Variants in MAEL observed in about 807,000 individuals in gnomAD.
MAEL encodes the protein maelstrom spermatogenic transposon silencer.
In MAEL, 46 loss-of-function variants were observed where a neutral mutation model predicts 62.0. The observed-to-expected ratio is 0.74, with a 90% CI of 0.59 to 0.95. The LOEUF (loss-of-function observed/expected upper bound fraction) is 0.95. Among genes scored for constraint, MAEL ranks in the 40% least tolerant of loss-of-function variants. The pLI, the probability that MAEL is intolerant of heterozygous loss-of-function variation, is 0.00. For missense variants in MAEL, 497 were observed against 526.8 expected, an observed-to-expected ratio of 0.94 and a Z score of 0.55; for synonymous variants, 172 against 175.5, an observed-to-expected ratio of 0.98 and a Z score of 0.16.
At chr1:166,979,953 A>C (rs901773634) in intron 1 of MAEL, among the ~76,000 whole-genome samples, 1 of 152,210 alleles carries the variant, frequency 6.6e-6, no homozygotes, top group Admixed American at 6.5e-5. Flanking sequence ...AAAGGAAATA[A>C]ATGAGTAACA....
intron 3 of MAEL, 150 bp downstream of exon 3, chr1:166,991,627 G>A: frequency 1.9e-6 from 1 of 522,588 alleles, no homozygotes; most frequent in East Asian, 3.0e-5. Context: ...CATTATAAAA[G>A]ATTAGGTAAT....
intron 8 of MAEL, among the ~76,000 whole-genome samples, chr1:167,009,761 T>G (rs1276459992): frequency 1.3e-5 from 2 of 152,102 alleles, no homozygotes; most frequent in Non-Finnish European, 2.9e-5. Flanking sequence ...TCTGCTTTCT[T>G]CAGTTTCTCT....
chr1:166,983,678 G>C (rs1428409757), intron 1 of MAEL, among the ~76,000 whole-genome samples: 5 of 152,040 alleles, frequency 3.3e-5, no homozygotes, highest in Non-Finnish European at 7.4e-5. Context: ...TGTTTATGTA[G>C]GACTTAAGTA....
In MAEL at chr1:167,004,168, T is replaced by A. The variant is rs372296826; in HGVS notation, c.524-12T>A. 3.8e-6 allele frequency: 6 copies of A among 1,598,932 alleles called. No homozygotes were observed. The African/African-American group carries it at 5.4e-5, about 14-fold the overall frequency. ...GCTCAAAGTTTGAACTTCTCCTTTTTATTTCCCTCAGGTGATTCTAGTCAC... is the reference window on the plus strand; with the variant it reads ...GCTCAAAGTTTGAACTTCTCCTTTTAATTTCCCTCAGGTGATTCTAGTCAC... On this transcript the variant is annotated splice_polypyrimidine_tract_variant and intron_variant, in intron 5 of 11. Transcript: ENST00000367872.
chr1:167,019,262 C>G (rs897731843), intron 10 of MAEL, among the ~76,000 whole-genome samples: 1 of 152,152 alleles, frequency 6.6e-6, no homozygotes, highest in African/African-American at 2.4e-5. Flanking sequence ...CATTTTCCAG[C>G]CTAAAATATC....
At chr1:166,978,630 A>C (rs1557966291) in intron 1 of MAEL, among the ~76,000 whole-genome samples, 1 of 152,206 alleles carries the variant, frequency 6.6e-6, no homozygotes, top group African/African-American at 2.4e-5. Context: ...TCTGCAGTTT[A>C]ACCACTTTCC....
At chr1:167,008,482 G>A (rs1054615000) in intron 8 of MAEL, among the ~76,000 whole-genome samples, 1 of 151,952 alleles carries the variant, frequency 6.6e-6, no homozygotes, top group Non-Finnish European at 1.5e-5. Flanking sequence ...TCTTGTCATT[G>A]TATATTTGTG....
In MAEL at chr1:167,004,169, A is replaced by G. The variant is rs1664790182; in HGVS notation, c.524-11A>G. The G allele has an allele frequency of 1.9e-6, 3 of 1,597,770 alleles. No individual in the cohort carries two copies. Among genetic ancestry groups the G allele is most frequent in the South Asian group, 1.1e-5 (1 of 87,378 alleles). On this transcript the variant is annotated splice_polypyrimidine_tract_variant and intron_variant, in intron 5 of 11. Transcript: ENST00000367872. ...CTCAAAGTTTGAACTTCTCCTTTTT[A>G]TTTCCCTCAGGTGATTCTAGTCACA...
At chr1:167,009,828 T>A (rs1665089900) in intron 8 of MAEL, among the ~76,000 whole-genome samples, 1 of 152,128 alleles carries the variant, frequency 6.6e-6, no homozygotes, top group Non-Finnish European at 1.5e-5. Flanking sequence ...TTAGTTCTTT[T>A]CTGTAATGTT....
At chr1:167,004,069 G>A in intron 5 of MAEL, 111 bp from the exon 6 acceptor site, 1 of 895,060 alleles carries the variant, frequency 1.1e-6, no homozygotes, top group Non-Finnish European at 1.7e-6. Context: ...CTTTGTACAA[G>A]TACTTAACTG....
At position 167,017,706 on chromosome 1, in the gene MAEL, AT is replaced by A. The variant is rs1665454108; in HGVS notation, c.909-115del. The A allele has an allele frequency of 7.4e-6, 6 of 814,634 alleles. No individual in the cohort carries two copies. In the East Asian group the frequency reaches 1.4e-4, roughly 19 times the overall value. 50.5% of individuals were successfully genotyped at this position (814,634 alleles called of 1,614,324 possible). On this transcript the variant is annotated intron_variant, in intron 9 of 11. Transcript: ENST00000367872. ...ATGTCTTCTCTGAATCTCCAAATTT[AT>A]TTTTTCCCAGTTTATAACAGTACCT...
intron 8 of MAEL, among the ~76,000 whole-genome samples, chr1:167,009,756 T>C (rs1439466324): frequency 1.3e-5 from 2 of 152,112 alleles, no homozygotes; most frequent in Non-Finnish European, 2.9e-5. Context: ...TAGTTTCTGC[T>C]TTCTTCAGTT....
chr1:166,977,482 A>G (rs1028949465), intron 1 of MAEL, among the ~76,000 whole-genome samples: 2 of 152,238 alleles, frequency 1.3e-5, no homozygotes, highest in African/African-American at 4.8e-5. Flanking sequence ...AGTAAGTGGC[A>G]GAGCTAGGAT....
intron 5 of MAEL, among the ~76,000 whole-genome samples, chr1:167,003,232 ACAC>A (rs1442258615): frequency 6.6e-6 from 1 of 152,132 alleles, no homozygotes; most frequent in Non-Finnish European, 1.5e-5. Context: ...CTGCAGGTAC[ACAC>A]CACCACACCT....
intron 8 of MAEL, among the ~76,000 whole-genome samples, chr1:167,011,277 A>G (rs1268283931): frequency 6.6e-6 from 1 of 152,096 alleles, no homozygotes; most frequent in Non-Finnish European, 1.5e-5. Context: ...TCATTTTTCT[A>G]TTTATAGACA....
Position 166,992,699 on chromosome 1 carries a change from C to A in MAEL, c.339C>A (p.Gly113=). The A allele has an allele frequency of 6.3e-7, 1 of 1,587,992 alleles. No homozygotes were observed. The highest frequency in any genetic ancestry group is 1.2e-5 in the South Asian group (1 of 85,926). Residue 113 remains glycine (G), a synonymous_variant, in exon 4 of 12, where the codon GGC becomes GGA. Transcript: ENST00000367872. ...ATTTTTTTTTAGCTCTCCTTGGAGG[C>A]ATTTTTTATTTTTTGAACATTTTTA... ...SLKGDQALLG[G]IFYFLNIFSH... is the part of the protein sequence containing the mutation.
At chr1:167,007,853 C>A (rs1664995402) in intron 8 of MAEL, among the ~76,000 whole-genome samples, 1 of 151,904 alleles carries the variant, frequency 6.6e-6, no homozygotes, top group African/African-American at 2.4e-5. Flanking sequence ...TTTATAATCG[C>A]TTTTAGTCTG....
chr1:166,989,248 G>A (rs911928570), upstream of MAEL: 45 of 1,421,078 alleles, frequency 3.2e-5, no homozygotes, highest in Non-Finnish European at 4.2e-5. Context: ...GCCGAGAGTT[G>A]CGGGCTGCGT....
chr1:167,006,726 C>T (rs1259525359), intron 8 of MAEL, among the ~76,000 whole-genome samples: 1 of 149,796 alleles, frequency 6.7e-6, no homozygotes, highest in African/African-American at 2.5e-5. Flanking sequence ...CCCTCCACCT[C>T]CCAGGTTCAA....
Sources: gnomAD v4.1 joint callset for allele counts (sites outside exome capture counted in the v4.1 genomes callset) on GRCh38, gnomAD v4.1.1 for gene constraint, MANE v1.5 for transcripts, NCBI Gene and HGNC (gene_info 2026-07-23, HGNC 2026-07-21) for gene names.